NUP155: variants seen among roughly 807,000 people sequenced by gnomAD.
The protein encoded by NUP155 is nucleoporin 155.
A neutral mutation model predicts 180.4 loss-of-function variants in NUP155; 71 were observed. That is an observed-to-expected ratio of 0.39 (90% CI 0.33 to 0.48). NUP155 has a LOEUF of 0.48. Among genes scored for constraint, NUP155 ranks in the 20% least tolerant of loss-of-function variants. The probability of loss-of-function intolerance (pLI) is 0.91; values close to 1 mark genes in which losing one functional copy is unlikely to be tolerated. For missense variants in NUP155, 1,553 were observed against 1,648.9 expected, an observed-to-expected ratio of 0.94 and a Z score of 1.01; for synonymous variants, 582 against 559.5, an observed-to-expected ratio of 1.04 and a Z score of -0.57.
At chr5:37,343,566 C>A (rs1461222472) in intron 9 of NUP155, among the ~76,000 whole-genome samples, 1 of 151,910 alleles carries the variant, frequency 6.6e-6, no homozygotes, top group Non-Finnish European at 1.5e-5. Flanking sequence ...GAGCAGTGTT[C>A]TCAGTGTCAA....
chr5:37,313,225 G>A (rs565713819), intron 22 of NUP155, among the ~76,000 whole-genome samples: 1 of 152,032 alleles, frequency 6.6e-6, no homozygotes, highest in East Asian at 1.9e-4. Context: ...GAGCTCAGGA[G>A]TTCGAGATCA....
chr5:37,324,248 C>A, intron 19 of NUP155, 141 bp from the exon 20 acceptor site: 1 of 659,596 alleles, frequency 1.5e-6, no homozygotes, highest in East Asian at 2.8e-5. Context: ...ATAAAGTATA[C>A]CTACACACTT....
chr5:37,346,853 T>C (rs1471688017), intron 9 of NUP155, among the ~76,000 whole-genome samples: 4 of 152,284 alleles, frequency 2.6e-5, no homozygotes, highest in Admixed American at 2.6e-4. Context: ...ATAAAATGGG[T>C]ACTACAACTT....
chr5:37,296,889 A>C (rs1410169052), intron 32 of NUP155, among the ~76,000 whole-genome samples: 4 of 152,124 alleles, frequency 2.6e-5, no homozygotes, highest in Non-Finnish European at 4.4e-5. Flanking sequence ...CCAAATTTAT[A>C]GTTATGGCCA....
intron 23 of NUP155, among the ~76,000 whole-genome samples, chr5:37,310,063 G>A (rs1284669596): frequency 6.6e-6 from 1 of 152,064 alleles, no homozygotes; most frequent in Non-Finnish European, 1.5e-5. Flanking sequence ...GGAGGGCTGG[G>A]CATGGTGGCT....
In NUP155 at chr5:37,307,316, G is replaced by A; in HGVS notation, c.2884C>T (p.Leu962Phe). Reference sequence around the variant, plus strand: ...ATGCACCTTTCTTGGAAGGCCTGAAGTCCAACTATGTCTTCTTCTGGTTCT... The same window carrying A: ...ATGCACCTTTCTTGGAAGGCCTGAAATCCAACTATGTCTTCTTCTGGTTCT... ...HGEPEEDIVG[L>F]QAFQERLNSY... The change falls in exon 25 of 35, where the codon CTT (leucine) becomes TTT (phenylalanine). Residue 962 changes from leucine to phenylalanine, a missense_variant. By Grantham distance (22) the Leu-to-Phe change is conservative. Transcript: ENST00000231498. 3 of 1,613,974 alleles carry A rather than the reference G, an allele frequency of 1.9e-6. No individual in the cohort carries two copies. Among genetic ancestry groups the A allele is most frequent in the African/African-American group, 1.3e-5 (1 of 75,010 alleles).
intron 20 of NUP155, among the ~76,000 whole-genome samples, chr5:37,321,163 T>C (rs1744216609): frequency 6.6e-6 from 1 of 151,582 alleles, no homozygotes; most frequent in Admixed American, 6.6e-5. Context: ...CTTGCCAACA[T>C]GGCAAAACCC....
At chr5:37,293,872 G>A (rs1400132766) in intron 33 of NUP155, among the ~76,000 whole-genome samples, 3 of 110,982 alleles carry the variant, frequency 2.7e-5, no homozygotes, top group East Asian at 4.2e-4. Flanking sequence ...GGTGGCGGGC[G>A]CCTGTAGTCC....
intron 12 of NUP155, among the ~76,000 whole-genome samples, chr5:37,334,041 T>C (rs943810507): frequency 1.1e-4 from 17 of 151,978 alleles, no homozygotes; most frequent in Non-Finnish European, 2.1e-4. Context: ...CCTCAGGTGA[T>C]CCGCCCACCT....
chr5:37,333,345 C>T lies in NUP155; in HGVS notation c.1518+118G>A, dbSNP rs914645129. On this transcript the variant is annotated intron_variant, in intron 13 of 34. Coordinates refer to ENST00000231498, the MANE Select transcript of NUP155 (RefSeq NM_153485.3). Reference sequence around the variant, plus strand: ...ACTCCAGCCTGGGTGATGAGCGAGACTCCGTCTCAAAAAAAAAAGAAAGAA... The same window carrying T: ...ACTCCAGCCTGGGTGATGAGCGAGATTCCGTCTCAAAAAAAAAAGAAAGAA... The T allele has an allele frequency of 5.4e-6, 5 of 934,128 alleles. No homozygotes were observed. In the African/African-American group the frequency reaches 8.2e-5, roughly 15 times the overall value. The allele number at this position is 934,128 out of a possible 1,614,324, so 57.9% of individuals were successfully genotyped here. A position where few individuals can be genotyped will look rare whatever the true frequency, so the allele number is the denominator to read the frequency against.
rs979944437 is a variant in NUP155 at position 37,329,298 on chromosome 5, T to A, written c.1725-20A>T. Reference sequence around the variant, plus strand: ...CCATACCTATTTTTATGACAAGAGGTTGAGTTTATTCAGTAAAACAAACCA... The same window carrying A: ...CCATACCTATTTTTATGACAAGAGGATGAGTTTATTCAGTAAAACAAACCA... On this transcript the variant is annotated intron_variant, in intron 15 of 34. Transcript: ENST00000231498. 1.3e-6 allele frequency: 2 copies of A among 1,589,256 alleles called. No individual in the cohort carries two copies. Among genetic ancestry groups the A allele is most frequent in the Non-Finnish European group, 8.6e-7 (1 of 1,157,480 alleles).
chr5:37,314,065 T>C (rs1390379196), intron 22 of NUP155, 133 bp downstream of exon 22: 2 of 668,722 alleles, frequency 3.0e-6, no homozygotes, highest in East Asian at 5.6e-5. Context: ...TTTTGTGCCA[T>C]CTTCCCATAA....
At chr5:37,352,461 C>T (rs1746527254) in intron 5 of NUP155, among the ~76,000 whole-genome samples, 1 of 152,134 alleles carries the variant, frequency 6.6e-6, no homozygotes. Flanking sequence ...TCACTTGAGC[C>T]TGGGAGGCAG....
intron 3 of NUP155, among the ~76,000 whole-genome samples, chr5:37,363,545 A>T (rs756474765): frequency 6.6e-6 from 1 of 152,240 alleles, no homozygotes; most frequent in Non-Finnish European, 1.5e-5. Context: ...CAAGGAAAAC[A>T]GAAGTCTTTA....
At chr5:37,303,800 G>A (rs1217765159) in intron 27 of NUP155, among the ~76,000 whole-genome samples, 3 of 150,760 alleles carry the variant, frequency 2.0e-5, no homozygotes, top group African/African-American at 7.3e-5. Flanking sequence ...AATTAGCTGG[G>A]TGTGGTGGTG....
chr5:37,311,027 T>C (rs1743493537), intron 22 of NUP155, among the ~76,000 whole-genome samples: 1 of 152,156 alleles, frequency 6.6e-6, no homozygotes, highest in African/African-American at 2.4e-5. Context: ...GCTTTGGTTA[T>C]AAAATGGAAA....
chr5:37,350,342 T>A, intron 6 of NUP155, 77 bp from the exon 7 acceptor site: 1 of 927,960 alleles, frequency 1.1e-6, no homozygotes, highest in Non-Finnish European at 1.7e-6. Flanking sequence ...TCCATATTTA[T>A]AAAAACCTTC....
chr5:37,307,515 GATC>G, intron 24 of NUP155, 83 bp from the exon 25 acceptor site: 1 of 1,304,444 alleles, frequency 7.7e-7, no homozygotes, highest in African/African-American at 1.5e-5. Context: ...TGAAAATAAT[GATC>G]AAGGTTATGT....
chr5:37,341,338 G>T, intron 10 of NUP155, 96 bp from the exon 11 acceptor site: 1 of 1,022,560 alleles, frequency 9.8e-7, no homozygotes, highest in Non-Finnish European at 1.5e-6. Flanking sequence ...GCAACACTCT[G>T]CTAAAACCAT....
Sources: allele counts gnomAD v4.1 joint callset (sites outside exome capture counted in the v4.1 genomes callset), GRCh38; gene constraint gnomAD v4.1.1; transcripts MANE v1.5; gene names NCBI Gene and HGNC (gene_info 2026-07-23, HGNC 2026-07-21).